The following SEMA4A variants were observed in gnomAD, a reference collection of about 807,000 sequenced individuals.
SEMA4A encodes the protein semaphorin-4A.
Under a neutral mutation model 72.5 loss-of-function variants are expected in SEMA4A, and 52 were observed. The observed-to-expected ratio is 0.72, with a 90% CI of 0.57 to 0.90. The LOEUF is 0.90. SEMA4A is among the 40% of genes least tolerant of loss of function. The probability of loss-of-function intolerance (pLI) is 0.00; values close to 1 mark genes in which losing one functional copy is unlikely to be tolerated. For missense variants in SEMA4A, 926 were observed against 959.7 expected, an observed-to-expected ratio of 0.96 and a Z score of 0.46; for synonymous variants, 369 against 393.1, an observed-to-expected ratio of 0.94 and a Z score of 0.73.
At position 156,170,332 on chromosome 1, in the gene SEMA4A, C is replaced by T. The variant is rs546617017; in HGVS notation, c.1135-2494C>T. Among the ~76,000 whole-genome samples, 7 of 150,636 alleles carry T rather than the reference C, an allele frequency of 4.6e-5. No homozygotes were observed. In the South Asian group the frequency reaches 6.3e-4, roughly 14 times the overall value. ...TACAAATATTAGCTGGGCGTGGTGG[C>T]GGGTGCCTGTAATCCCAGCTACTTG... On this transcript the variant is annotated intron_variant, in intron 10 of 14. Transcript: ENST00000368285.
intron 10 of SEMA4A, among the ~76,000 whole-genome samples, chr1:156,167,558 G>C (rs942503307): frequency 6.6e-6 from 1 of 151,186 alleles, no homozygotes; most frequent in African/African-American, 2.4e-5. Flanking sequence ...TATTTTTCTC[G>C]TGCATTTTTT....
Position 156,158,052 on chromosome 1 carries a change from C to A in SEMA4A, c.301-18C>A, listed in dbSNP as rs1262084766. ...CCTTATTTCTTTTCATCTCGCCCTC[C>A]CAACTCCCCACTTTCAGATACCGTG... On this transcript the variant is annotated intron_variant, in intron 3 of 14. Coordinates refer to ENST00000368285, the MANE Select transcript of SEMA4A (RefSeq NM_022367.4). 1 of 1,613,976 alleles carries A rather than the reference C, an allele frequency of 6.2e-7. No individual in the cohort carries two copies. Among genetic ancestry groups the A allele is most frequent in the Admixed American group, 1.7e-5 (1 of 59,994 alleles).
In SEMA4A at chr1:156,163,619, G is replaced by A. The variant is rs1479723443; in HGVS notation, c.1134+525G>A. Among the ~76,000 whole-genome samples the A allele has an allele frequency of 6.6e-5, 10 of 150,842 alleles. No individual in the cohort carries two copies. In the East Asian group the frequency reaches 1.9e-3, roughly 29 times the overall value. ...CGACTGTAATTTCAGCTACTGGGAG[G>A]CTGAGGCAGGAGAATCGCTTGAACC... On this transcript the variant is annotated intron_variant, in intron 10 of 14. Coordinates refer to ENST00000368285, the MANE Select transcript of SEMA4A (RefSeq NM_022367.4).
intron 10 of SEMA4A, among the ~76,000 whole-genome samples, chr1:156,172,474 C>A (rs1325272928): frequency 2.0e-5 from 3 of 152,198 alleles, no homozygotes; most frequent in Non-Finnish European, 2.9e-5. Context: ...GGCTGCCAGG[C>A]CTCCTTGCTG....
rs1191318008 is a variant in SEMA4A at position 156,160,585 on chromosome 1, C to T, written c.685+26C>T. On this transcript the variant is annotated intron_variant, in intron 7 of 14. Transcript: ENST00000368285. Reference sequence around the variant, plus strand: ...GTAAGGACCTGACCCCCGCTGGCCTCCTTTCCTGAGTCCTGGTGACCTTGC... The same window carrying T: ...GTAAGGACCTGACCCCCGCTGGCCTTCTTTCCTGAGTCCTGGTGACCTTGC... The T allele has an allele frequency of 3.8e-6, 6 of 1,586,330 alleles. No individual in the cohort carries two copies. In the South Asian group the frequency reaches 4.4e-5, roughly 12 times the overall value.
chr1:156,164,949 C>T (rs372370475), intron 10 of SEMA4A, among the ~76,000 whole-genome samples: 8 of 151,860 alleles, frequency 5.3e-5, no homozygotes, highest in South Asian at 4.2e-4. Flanking sequence ...TACAGGTGTG[C>T]GCCACCACAC....
At chr1:156,161,320 C>A (rs1268497196) in intron 8 of SEMA4A, 26 bp from the exon 9 acceptor site, 12 of 1,572,456 alleles carry the variant, frequency 7.6e-6, no homozygotes, top group Non-Finnish European at 9.5e-6. Flanking sequence ...GCCCGGGGCG[C>A]CCCCTGACTC....
upstream of SEMA4A, among the ~76,000 whole-genome samples, chr1:156,148,411 G>A (rs750482085): frequency 1.3e-5 from 2 of 152,158 alleles, no homozygotes; most frequent in South Asian, 2.1e-4. Flanking sequence ...TGGCGGCCCC[G>A]TTCAGGGTCC....
intron 1 of SEMA4A, 171 bp from the exon 2 acceptor site, chr1:156,154,379 G>A: frequency 4.8e-6 from 3 of 627,286 alleles, no homozygotes; most frequent in Non-Finnish European, 8.4e-6. Flanking sequence ...GAAGGATGAT[G>A]AAAGTGAGAC....
chr1:156,166,038 C>T (rs1654126323), intron 10 of SEMA4A, among the ~76,000 whole-genome samples: 1 of 151,356 alleles, frequency 6.6e-6, no homozygotes, highest in African/African-American at 2.4e-5. Flanking sequence ...TCCCGAGTAG[C>T]TGGGACTACA....
chr1:156,154,244 C>T (rs538936855), intron 1 of SEMA4A: 1 of 363,044 alleles, frequency 2.8e-6, no homozygotes, highest in Admixed American at 4.3e-5. Flanking sequence ...ACAGGAAAGA[C>T]TTCCTGAGAG....
intron 10 of SEMA4A, among the ~76,000 whole-genome samples, chr1:156,164,398 C>T (rs150608688): frequency 7.9e-5 from 12 of 152,326 alleles, no homozygotes; most frequent in African/African-American, 2.9e-4. Flanking sequence ...CCCACCTCCA[C>T]CCAGTGGTGT....
Position 156,154,837 on chromosome 1 carries a change from A to G in SEMA4A, c.139+120A>G, listed in dbSNP as rs184869627. ...TATGGAGAAACAGGGACACAGAGAG[A>G]GATGCCAGGGAGAAACAGAGGATCT... On this transcript the variant is annotated intron_variant, in intron 2 of 14. Coordinates refer to ENST00000368285, the MANE Select transcript of SEMA4A (RefSeq NM_022367.4). 2.0e-3 allele frequency: 2,476 copies of G among 1,210,842 alleles called. 3 individuals are homozygous for G. Among genetic ancestry groups the G allele is most frequent in the Non-Finnish European group, 2.6e-3 (2,294 of 869,640 alleles). The allele number at this position is 1,210,842 out of a possible 1,614,324, so 75.0% of individuals were successfully genotyped here.
At position 156,154,390 on chromosome 1, in the gene SEMA4A, C is replaced by T. The variant is rs559252806; in HGVS notation, c.-29-160C>T. On this transcript the variant is annotated intron_variant, in intron 1 of 14. Coordinates refer to ENST00000368285, the MANE Select transcript of SEMA4A (RefSeq NM_022367.4). The stretch of plus-strand genomic sequence containing the variant: ...CCTGGAAGGATGATGAAAGTGAGAC[C>T]GTCTTAGGGCCCTTCCAGATAGGGA... 2.3e-4 allele frequency: 150 copies of T among 643,170 alleles called. 1 individual carries two copies. The highest frequency in any genetic ancestry group is 1.6e-3 in the African/African-American group (89 of 54,846). The allele number at this position is 643,170 out of a possible 1,614,324, so 39.8% of individuals were successfully genotyped here.
chr1:156,169,407 C>CGTT, intron 10 of SEMA4A, among the ~76,000 whole-genome samples: 1 of 85,292 alleles, frequency 1.2e-5, no homozygotes, highest in South Asian at 4.0e-4. Flanking sequence ...CTTTTCTTTT[C>CGTT]TTTTTTTTTT....
Position 156,176,511 on chromosome 1 carries a change from A to G in SEMA4A, c.1800A>G (p.Glu600=), listed in dbSNP as rs753264868. ...YWSHGPAAVP[E]ASSTVYNGSL... ...GTCATGGCCCAGCAGCAGTCCCAGA[A>G]GCCTCTTCCACTGTCTACAATGGCT... Residue 600 remains glutamate (E), a synonymous_variant, in exon 15 of 15, where the codon GAA becomes GAG. Coordinates refer to ENST00000368285, the MANE Select transcript of SEMA4A (RefSeq NM_022367.4). 1 of 1,614,134 alleles carries G rather than the reference A, an allele frequency of 6.2e-7. No individual in the cohort carries two copies. The highest frequency in any genetic ancestry group is 1.1e-5 in the South Asian group (1 of 91,086).
In SEMA4A at chr1:156,175,181, G is replaced by A. The variant is rs1247516931; in HGVS notation, c.1530G>A (p.Arg510=). 2 of 1,614,128 alleles carry A rather than the reference G, an allele frequency of 1.2e-6. No homozygotes were observed. The highest frequency in any genetic ancestry group is 1.1e-5 in the South Asian group (1 of 91,088). Reference sequence around the variant, plus strand: ...GCTGTGTGGACTGTGTCCTTGCCCGGGACCCCCACTGTGCCTGGGACCCTG... The same window carrying A: ...GCTGTGTGGACTGTGTCCTTGCCCGAGACCCCCACTGTGCCTGGGACCCTG... ...YESCVDCVLA[R]DPHCAWDPES... Residue 510 remains arginine (R), a synonymous_variant, in exon 13 of 15, where the codon CGG becomes CGA. Coordinates refer to ENST00000368285, the MANE Select transcript of SEMA4A (RefSeq NM_022367.4).
At chr1:156,164,459 T>C (rs1653976985) in intron 10 of SEMA4A, among the ~76,000 whole-genome samples, 2 of 152,186 alleles carry the variant, frequency 1.3e-5, no homozygotes, top group Admixed American at 6.5e-5. Flanking sequence ...CCCATCTTTT[T>C]CCAAATTTGT....
intron 6 of SEMA4A, 55 bp from the exon 7 acceptor site, chr1:156,160,388 G>A: frequency 7.3e-7 from 1 of 1,367,102 alleles, no homozygotes; most frequent in Non-Finnish European, 1.0e-6. Context: ...GGTCTGTGGA[G>A]GGCAGAGGAA....
Sources: allele counts gnomAD v4.1 joint callset (sites outside exome capture counted in the v4.1 genomes callset), GRCh38; gene constraint gnomAD v4.1.1; transcripts MANE v1.5; gene names NCBI Gene and HGNC (gene_info 2026-07-23, HGNC 2026-07-21).